The following ZSWIM5 variants were observed in gnomAD, a reference collection of about 807,000 sequenced individuals.
ZSWIM5 encodes the protein zinc finger SWIM-type containing 5.
Under a neutral mutation model 119.6 loss-of-function variants are expected in ZSWIM5, and 55 were observed. That is an observed-to-expected ratio of 0.46 (90% CI 0.37 to 0.58). The LOEUF (loss-of-function observed/expected upper bound fraction) is 0.58, where lower values mean the gene tolerates loss of function less well. Ranked by LOEUF, ZSWIM5 falls within the 20% of genes least tolerant of loss-of-function variation. The pLI is 0.00. For missense variants in ZSWIM5, 1,193 were observed against 1,512.8 expected, an observed-to-expected ratio of 0.79 and a Z score of 3.51; for synonymous variants, 537 against 606.9, an observed-to-expected ratio of 0.88 and a Z score of 1.69.
Position 45,179,385 on chromosome 1 carries a change from C to T in ZSWIM5, c.595+26371G>A, listed in dbSNP as rs564728348. 2.0e-5 allele frequency among the ~76,000 whole-genome samples: 3 copies of T among 152,078 alleles called. No homozygotes were observed. The South Asian group carries it at 6.2e-4, about 32-fold the overall frequency. On this transcript the variant is annotated intron_variant, in intron 1 of 13. Coordinates refer to ENST00000359600, the MANE Select transcript of ZSWIM5 (RefSeq NM_020883.2). ...AAATGTTCTCACTTACAAGAAGGTG[C>T]TAAACACTGGGCATATGTGGTTGTA... is the stretch of plus-strand genomic sequence containing the variant.
chr1:45,171,650 A>AT (rs1365667863), intron 1 of ZSWIM5, among the ~76,000 whole-genome samples: 2 of 152,116 alleles, frequency 1.3e-5, no homozygotes, highest in African/African-American at 4.8e-5. Flanking sequence ...GTGCAAAGGT[A>AT]TAATTATAAA....
intron 8 of ZSWIM5, 147 bp from the exon 9 acceptor site, chr1:45,036,446 C>T: frequency 1.7e-6 from 2 of 1,181,060 alleles, no homozygotes; most frequent in Non-Finnish European, 2.3e-6. Context: ...CCTCCGCCTC[C>T]CCGGTTCAAG....
rs1644981103 is a variant in ZSWIM5 at position 45,036,046 on chromosome 1, C to A, written c.2148G>T (p.Leu716=). ...VQTLQKQCIL[L]LEGGPFSGLG... ...AGACTCTTTTCTACTTACCTTCCAG[C>A]AGTAAGATGCATTGTTTTTGCAGTG... Residue 716 remains leucine (L), a synonymous_variant, in exon 9 of 14, where the codon CTG becomes CTT. Transcript: ENST00000359600. 2 of 1,613,400 alleles carry A rather than the reference C, an allele frequency of 1.2e-6. No homozygotes were observed. The highest frequency in any genetic ancestry group is 1.7e-6 in the Non-Finnish European group (2 of 1,179,556).
chr1:45,174,427 C>T (rs61788455), intron 1 of ZSWIM5, among the ~76,000 whole-genome samples: 10,468 of 151,936 alleles, frequency 0.069, 482 homozygotes, highest in Non-Finnish European at 0.097. Context: ...CACTATTAAT[C>T]AAAGTTCATT....
chr1:45,051,238 C>T lies in ZSWIM5; in HGVS notation c.1268G>A (p.Cys423Tyr). The change falls in exon 5 of 14, where the codon TGC becomes TAC. Residue 423 changes from cysteine to tyrosine, a missense_variant. Physicochemically the swap from Cys to Tyr is radical, Grantham distance 194. Coordinates refer to ENST00000359600, the MANE Select transcript of ZSWIM5 (RefSeq NM_020883.2). The part of the protein sequence containing the change: ...LWDELGALWV[C>Y]IILNPHCKLE... Reference sequence around the variant, plus strand: ...TTTGCAGTGTGGATTTAAAATTATGCACACCCATAAAGCCCCTGGAAAATA... The same window carrying T: ...TTTGCAGTGTGGATTTAAAATTATGTACACCCATAAAGCCCCTGGAAAATA... The T allele has an allele frequency of 6.2e-7, 1 of 1,614,024 alleles. No individual in the cohort carries two copies. The highest frequency in any genetic ancestry group is 8.5e-7 in the Non-Finnish European group (1 of 1,179,952).
intron 2 of ZSWIM5, among the ~76,000 whole-genome samples, chr1:45,067,883 T>C (rs1426073524): frequency 6.6e-6 from 1 of 152,154 alleles, no homozygotes; most frequent in Non-Finnish European, 1.5e-5. Flanking sequence ...TCAATGTAAA[T>C]GATACTTTAA....
At chr1:45,100,024 C>T (rs186722944) in intron 1 of ZSWIM5, among the ~76,000 whole-genome samples, 23 of 152,228 alleles carry the variant, frequency 1.5e-4, no homozygotes, top group Admixed American at 1.2e-3. Context: ...TCCTATTCAA[C>T]ATAGTATTGG....
At position 45,044,743 on chromosome 1, in the gene ZSWIM5, A is replaced by T. The variant is rs1478577588; in HGVS notation, c.1433-1348T>A. On this transcript the variant is annotated intron_variant, in intron 5 of 13. Transcript: ENST00000359600. ...CGTCTCAAAAAAAAAAAAAAAAAAAAAAAATATATATATATATATATATAT... is the reference window on the plus strand; with the variant it reads ...CGTCTCAAAAAAAAAAAAAAAAAAATAAAATATATATATATATATATATAT... Among the ~76,000 whole-genome samples the T allele has an allele frequency of 5.2e-4, 4 of 7,696 alleles. 1 individual carries two copies. The highest frequency in any genetic ancestry group is 1.0e-3 in the African/African-American group (4 of 3,810). The allele number at this position is 7,696 out of a possible 152,430, so 5.0% of individuals were successfully genotyped here.
At chr1:45,083,033 G>A (rs1570074537) in intron 2 of ZSWIM5, among the ~76,000 whole-genome samples, 1 of 152,146 alleles carries the variant, frequency 6.6e-6, no homozygotes, top group African/African-American at 2.4e-5. Flanking sequence ...TGGTGCTACA[G>A]GCCTGGGGGA....
At chr1:45,094,182 A>G (rs530505298) in intron 1 of ZSWIM5, among the ~76,000 whole-genome samples, 2 of 151,864 alleles carry the variant, frequency 1.3e-5, no homozygotes, top group South Asian at 2.1e-4. Flanking sequence ...CAGCCTCCCA[A>G]GTAGCTGGGA....
intron 2 of ZSWIM5, among the ~76,000 whole-genome samples, chr1:45,062,515 G>A (rs1570044284): frequency 6.6e-6 from 1 of 152,046 alleles, no homozygotes; most frequent in African/African-American, 2.4e-5. Flanking sequence ...TTTGTTGTTT[G>A]TTTTAGACAG....
intron 1 of ZSWIM5, among the ~76,000 whole-genome samples, chr1:45,190,337 T>C (rs1482993778): frequency 1.3e-5 from 2 of 151,540 alleles, no homozygotes; most frequent in Non-Finnish European, 2.9e-5. Context: ...AAAAAAACAG[T>C]CACCACCCAT....
At chr1:45,068,338 G>A (rs568259568) in intron 2 of ZSWIM5, among the ~76,000 whole-genome samples, 3 of 151,432 alleles carry the variant, frequency 2.0e-5, no homozygotes, top group African/African-American at 7.3e-5. Context: ...ACTCCTGACC[G>A]CAGGTGATCT....
chr1:45,084,654 C>A (rs1375841962), intron 2 of ZSWIM5, among the ~76,000 whole-genome samples: 1 of 152,236 alleles, frequency 6.6e-6, no homozygotes, highest in African/African-American at 2.4e-5. Flanking sequence ...GGCCTACAGG[C>A]CCCAACCAAG....
Position 45,018,603 on chromosome 1 carries a change from C to G in ZSWIM5, c.3409G>C (p.Glu1137Gln), listed in dbSNP as rs751715498. The G allele has an allele frequency of 6.2e-7, 1 of 1,614,222 alleles. No homozygotes were observed. The highest frequency in any genetic ancestry group is 8.5e-7 in the Non-Finnish European group (1 of 1,180,042). The change falls in exon 14 of 14, where the codon GAG becomes CAG. Residue 1137 changes from glutamate to glutamine, a missense_variant. Around this residue, in one of 2 missense-constraint regions of ZSWIM5, gnomAD observed 961 missense variants for 1,290.0 expected, o/e 0.74. Coordinates refer to ENST00000359600, the MANE Select transcript of ZSWIM5 (RefSeq NM_020883.2). The surrounding 1 kb of genome is among the most constrained non-coding windows in gnomAD (Gnocchi z 6.7). ...LTHISPRHYG[E>Q]FIEFLSKARE... ...GCCTTGCTTAGAAACTCAATGAACT[C>G]TCCATAGTGGCGAGGGCTGATGTGT...
At chr1:45,035,411 A>G (rs966608562) in intron 10 of ZSWIM5, among the ~76,000 whole-genome samples, 2 of 152,142 alleles carry the variant, frequency 1.3e-5, no homozygotes, top group Non-Finnish European at 2.9e-5. Context: ...ACTGAACAGG[A>G]AGACTCAGGT....
intron 11 of ZSWIM5, among the ~76,000 whole-genome samples, chr1:45,028,990 A>T (rs1644936592): frequency 6.6e-6 from 1 of 152,200 alleles, no homozygotes; most frequent in Admixed American, 6.5e-5. Context: ...TGAAGAATAG[A>T]ACAGAGATGT....
chr1:45,039,972 T>C (rs1389405848), intron 7 of ZSWIM5, among the ~76,000 whole-genome samples: 1 of 152,140 alleles, frequency 6.6e-6, no homozygotes, highest in Non-Finnish European at 1.5e-5. Context: ...CCCAAAGTGC[T>C]GGGATTACAG....
At chr1:45,033,213 T>C (rs1010683463) in intron 11 of ZSWIM5, among the ~76,000 whole-genome samples, 2 of 152,238 alleles carry the variant, frequency 1.3e-5, no homozygotes, top group Non-Finnish European at 2.9e-5. Flanking sequence ...CCAGGTATTT[T>C]AGTTGTCTAA....
Sources: allele counts gnomAD v4.1 joint callset (sites outside exome capture counted in the v4.1 genomes callset), GRCh38; gene constraint gnomAD v4.1.1; regional missense constraint gnomAD v4.1.1; non-coding constraint Gnocchi (gnomAD v3.1); transcripts MANE v1.5; gene names NCBI Gene and HGNC (gene_info 2026-07-23, HGNC 2026-07-21).